Variants in TADA2A observed in about 807,000 individuals in gnomAD.
TADA2A encodes the protein transcriptional adapter 2-alpha.
Under a neutral mutation model 67.4 loss-of-function variants are expected in TADA2A, and 38 were observed. That is an observed-to-expected ratio of 0.56 (90% CI 0.44 to 0.74). The LOEUF (loss-of-function observed/expected upper bound fraction) is 0.74. Among genes scored for constraint, TADA2A ranks in the 30% least tolerant of loss-of-function variants. TADA2A has a pLI of 0.00. For synonymous variants in TADA2A, 192 were observed against 181.6 expected (o/e 1.06, Z -0.46); for missense variants, 454 against 547.0 (o/e 0.83, Z 1.70).
At position 37,426,989 on chromosome 17, in the gene TADA2A, G is replaced by T. The variant is rs748823884; in HGVS notation, c.172G>T (p.Asp58Tyr). The T allele has an allele frequency of 6.3e-7, 1 of 1,590,526 alleles. No individual in the cohort carries two copies. Among genetic ancestry groups the T allele is most frequent in the Admixed American group, 1.8e-5 (1 of 56,296 alleles). ...RGFEYKKHQS[D>Y]HTYEIMTSDF... is the part of the protein sequence containing the mutation. ...CTTTGAGTACAAGAAACATCAAAGC[G>T]ATCATACTTATGAAATAATGGTAAT... is the stretch of plus-strand genomic sequence containing the variant. The change falls in exon 4 of 16, where the codon GAT becomes TAT. Residue 58 changes from aspartate to tyrosine, a missense_variant. Around this residue, in one of 2 missense-constraint regions of TADA2A, gnomAD observed 403 missense variants for 455.5 expected, o/e 0.88. Coordinates refer to ENST00000615182, the MANE Select transcript of TADA2A (RefSeq NM_001166105.3).
chr17:37,465,571 TTG>T, intron 11 of TADA2A, 30 bp downstream of exon 11: 1 of 1,613,624 alleles, frequency 6.2e-7, no homozygotes, highest in African/African-American at 1.3e-5. Context: ...TGAGCAGTAT[TTG>T]TGTGTGTATA....
intron 2 of TADA2A, among the ~76,000 whole-genome samples, chr17:37,420,638 C>T (rs554844633): frequency 1.4e-5 from 2 of 145,812 alleles, no homozygotes; most frequent in African/African-American, 2.5e-5. Flanking sequence ...AGTGATCAAC[C>T]CGCCTCAGCC....
chr17:37,412,659 CTA>C (rs775665456), intron 2 of TADA2A, among the ~76,000 whole-genome samples: 3 of 151,780 alleles, frequency 2.0e-5, no homozygotes, highest in Admixed American at 6.6e-5. Flanking sequence ...TGGCGAGTAA[CTA>C]TAATCCCAGC....
chr17:37,452,839 T>A (rs2053271429), intron 8 of TADA2A, among the ~76,000 whole-genome samples: 1 of 152,200 alleles, frequency 6.6e-6, no homozygotes, highest in Admixed American at 6.5e-5. Context: ...TATTGAATTA[T>A]TTTTAGTTTG....
intron 12 of TADA2A, among the ~76,000 whole-genome samples, chr17:37,468,640 T>G (rs1449893601): frequency 2.0e-5 from 3 of 152,126 alleles, no homozygotes; most frequent in Admixed American, 6.6e-5. Flanking sequence ...GTGCTGGGAT[T>G]ACAGGTGTGA....
chr17:37,455,364 TTTTGTTTG>T (rs200179922), intron 8 of TADA2A, among the ~76,000 whole-genome samples: 66 of 83,688 alleles, frequency 7.9e-4, no homozygotes, highest in Middle Eastern at 6.8e-3. Flanking sequence ...AAGTTTGTTT[TTTTGTTTG>T]TTTGTTTGTT....
chr17:37,447,794 A>G (rs1426993915), intron 8 of TADA2A, among the ~76,000 whole-genome samples: 1 of 152,166 alleles, frequency 6.6e-6, no homozygotes, highest in African/African-American at 2.4e-5. Context: ...CAGAACACTC[A>G]GTGAAGTGCA....
At chr17:37,459,717 C>G (rs1401146661) in intron 9 of TADA2A, among the ~76,000 whole-genome samples, 3 of 151,924 alleles carry the variant, frequency 2.0e-5, no homozygotes, top group African/African-American at 7.3e-5. Context: ...CTCAGCCTCC[C>G]AAGTAGTTAG....
At chr17:37,452,203 G>C (rs995981616) in intron 8 of TADA2A, among the ~76,000 whole-genome samples, 2 of 151,970 alleles carry the variant, frequency 1.3e-5, no homozygotes, top group Non-Finnish European at 2.9e-5. Flanking sequence ...AGGAGTTGCA[G>C]ACCACCCTGG....
intron 2 of TADA2A, among the ~76,000 whole-genome samples, chr17:37,419,473 G>A (rs1332265977): frequency 1.4e-5 from 2 of 146,390 alleles, no homozygotes; most frequent in Admixed American, 1.4e-4. Context: ...CGTGGCCCGT[G>A]CAGTAATTGC....
intron 8 of TADA2A, chr17:37,450,655 GGTTT>G (rs1298321813): frequency 1.3e-5 from 2 of 152,200 alleles, no homozygotes; most frequent in Non-Finnish European, 2.9e-5. Flanking sequence ...AGGTGATTTT[GGTTT>G]GTTTGTTTAT....
At chr17:37,457,491 CTTTTTTT>C (rs71135729) in intron 8 of TADA2A, among the ~76,000 whole-genome samples, 2 of 72,398 alleles carry the variant, frequency 2.8e-5, no homozygotes, top group Admixed American at 2.0e-4. Context: ...AACATTAATT[CTTTTTTT>C]TTTTTTTTTT....
intron 2 of TADA2A, among the ~76,000 whole-genome samples, chr17:37,418,024 G>A (rs1383879881): frequency 6.6e-6 from 1 of 152,116 alleles, no homozygotes; most frequent in East Asian, 1.9e-4. Flanking sequence ...TTGAATCACT[G>A]TGCATATACA....
At chr17:37,473,326 T>G (rs2053830993) in intron 14 of TADA2A, among the ~76,000 whole-genome samples, 1 of 151,986 alleles carries the variant, frequency 6.6e-6, no homozygotes, top group African/African-American at 2.4e-5. Context: ...CCCTTATATT[T>G]AGGCTGAGGA....
chr17:37,417,940 T>C (rs2052101907), intron 2 of TADA2A, among the ~76,000 whole-genome samples: 1 of 152,182 alleles, frequency 6.6e-6, no homozygotes, highest in Non-Finnish European at 1.5e-5. Context: ...AATAAAGCAA[T>C]ATGTATTTCA....
chr17:37,419,605 C>G (rs569702655), intron 2 of TADA2A, among the ~76,000 whole-genome samples: 2 of 145,812 alleles, frequency 1.4e-5, no homozygotes, highest in South Asian at 4.5e-4. Flanking sequence ...ATGGGAAAAC[C>G]CCCCCTCTAC....
intron 15 of TADA2A, among the ~76,000 whole-genome samples, chr17:37,474,914 T>A (rs1188814361): frequency 3.9e-5 from 6 of 152,228 alleles, no homozygotes; most frequent in Non-Finnish European, 7.3e-5. Flanking sequence ...ACTTACCATG[T>A]GCTACTCTAC....
intron 5 of TADA2A, among the ~76,000 whole-genome samples, chr17:37,439,020 TAG>T (rs1703223552): frequency 1.3e-5 from 2 of 152,268 alleles, no homozygotes; most frequent in Admixed American, 1.3e-4. Flanking sequence ...AGTGATGCCT[TAG>T]GGGAGGTCAA....
chr17:37,431,429 G>A (rs1032755588), intron 4 of TADA2A, among the ~76,000 whole-genome samples: 1 of 152,116 alleles, frequency 6.6e-6, no homozygotes, highest in Admixed American at 6.6e-5. Context: ...CATATTCATA[G>A]TACGTGCTCA....
Sources: allele counts gnomAD v4.1 joint callset (sites outside exome capture counted in the v4.1 genomes callset), GRCh38; gene constraint gnomAD v4.1.1; regional missense constraint gnomAD v4.1.1; transcripts MANE v1.5; gene names NCBI Gene and HGNC (gene_info 2026-07-23, HGNC 2026-07-21).